Variants in GALNT13 observed in about 807,000 individuals in gnomAD.
GALNT13 encodes polypeptide N-acetylgalactosaminyltransferase 13.
In GALNT13, 28 loss-of-function variants were observed where a neutral mutation model predicts 64.2. The ratio of observed to expected loss-of-function variants is 0.44; its 90% CI spans 0.32 to 0.60. GALNT13 has a LOEUF of 0.60. Among genes scored for constraint, GALNT13 ranks in the 20% least tolerant of loss-of-function variants. The probability of loss-of-function intolerance (pLI) is 0.05; values close to 1 mark genes in which losing one functional copy is unlikely to be tolerated. For missense variants in GALNT13, 577 were observed against 669.8 expected, an observed-to-expected ratio of 0.86 and a Z score of 1.53; for synonymous variants, 214 against 224.6, an observed-to-expected ratio of 0.95 and a Z score of 0.42.
the GALNT13 span, among the ~76,000 whole-genome samples, chr2:153,714,596 T>C: frequency 6.6e-6 from 1 of 152,108 alleles, no homozygotes; most frequent in Non-Finnish European, 1.5e-5. Context: ...CTTAAACAAT[T>C]TGCAATGTTA....
At chr2:153,893,600 T>C (rs1574060198) in intron 1 of GALNT13, among the ~76,000 whole-genome samples, 1 of 95,552 alleles carries the variant, frequency 1.0e-5, no homozygotes, top group Non-Finnish European at 2.9e-5. Flanking sequence ...ATTATGTCAT[T>C]ATTTACAAAA....
At chr2:154,148,064 C>A in intron 4 of GALNT13, among the ~76,000 whole-genome samples, 1 of 151,994 alleles carries the variant, frequency 6.6e-6, no homozygotes, top group East Asian at 1.9e-4. Context: ...GCTATCCCTC[C>A]ACCCTCCACC....
At chr2:153,976,781 C>G (rs1344929953) in intron 3 of GALNT13, among the ~76,000 whole-genome samples, 9 of 152,018 alleles carry the variant, frequency 5.9e-5, no homozygotes, top group Non-Finnish European at 8.8e-5. Flanking sequence ...TTAATTCCCA[C>G]AGCACATTTG....
intron 3 of GALNT13, among the ~76,000 whole-genome samples, chr2:154,022,991 T>A (rs1220081194): frequency 6.6e-6 from 1 of 152,218 alleles, no homozygotes; most frequent in African/African-American, 2.4e-5. Context: ...TCAGATTCTA[T>A]GTAGTTGAGC....
chr2:153,120,349 A>G, the GALNT13 span, among the ~76,000 whole-genome samples: 1 of 152,226 alleles, frequency 6.6e-6, no homozygotes, highest in Admixed American at 6.5e-5. Context: ...AGAATTGACT[A>G]TTATCTACCA....
At chr2:153,407,988 A>C in the GALNT13 span, among the ~76,000 whole-genome samples, 1 of 152,308 alleles carries the variant, frequency 6.6e-6, no homozygotes, top group East Asian at 1.9e-4. Context: ...TACAGTAAAA[A>C]ATAATGAGAA....
intron 8 of GALNT13, among the ~76,000 whole-genome samples, chr2:154,263,745 A>T (rs1178838102): frequency 2.6e-5 from 4 of 152,180 alleles, no homozygotes. Context: ...TACACTCATA[A>T]ATCAGTTGGA....
chr2:153,190,250 TA>T, the GALNT13 span, among the ~76,000 whole-genome samples: 1,577 of 151,980 alleles, frequency 0.01, 23 homozygotes, highest in African/African-American at 0.035. Flanking sequence ...AATTTTTAAG[TA>T]ATTTTCTATA....
chr2:153,402,466 T>C, the GALNT13 span, among the ~76,000 whole-genome samples: 10 of 151,898 alleles, frequency 6.6e-5, no homozygotes, highest in Non-Finnish European at 1.5e-4. Flanking sequence ...TGAATCTGAA[T>C]GTTGGCCTGC....
chr2:154,180,843 G>A (rs556855453), intron 4 of GALNT13, among the ~76,000 whole-genome samples: 3 of 152,136 alleles, frequency 2.0e-5, no homozygotes, highest in Admixed American at 6.6e-5. Context: ...GCATGTTAGT[G>A]ATAAAACAAG....
At chr2:154,341,894 G>A (rs11694977) in intron 9 of GALNT13, among the ~76,000 whole-genome samples, 9,416 of 152,066 alleles carry the variant, frequency 0.062, 314 homozygotes, top group Middle Eastern at 0.12. Flanking sequence ...GATTGTATTC[G>A]AGATATATTT....
At chr2:154,165,441 G>A (rs1684972398) in intron 4 of GALNT13, among the ~76,000 whole-genome samples, 1 of 151,922 alleles carries the variant, frequency 6.6e-6, no homozygotes, top group Non-Finnish European at 1.5e-5. Context: ...ATATGTACAT[G>A]CTTACGCTTA....
chr2:154,318,139 A>G (rs1289765094), intron 9 of GALNT13, among the ~76,000 whole-genome samples: 5 of 151,954 alleles, frequency 3.3e-5, no homozygotes, highest in Non-Finnish European at 7.4e-5. Context: ...TTGGAAATGT[A>G]TTTGCTCTCA....
At chr2:153,399,634 C>T in the GALNT13 span, among the ~76,000 whole-genome samples, 1 of 151,664 alleles carries the variant, frequency 6.6e-6, no homozygotes, top group Admixed American at 6.6e-5. Context: ...TGAAGAGGTC[C>T]TTCACATCCC....
intron 8 of GALNT13, among the ~76,000 whole-genome samples, chr2:154,276,319 A>G (rs143268520): frequency 1.8e-3 from 267 of 151,916 alleles, no homozygotes; most frequent in African/African-American, 6.0e-3. Context: ...TCCTGGGTTC[A>G]AGCAATTCTC....
the GALNT13 span, among the ~76,000 whole-genome samples, chr2:153,451,319 T>C: frequency 6.6e-6 from 1 of 152,160 alleles, no homozygotes; most frequent in Non-Finnish European, 1.5e-5. Context: ...TTCCAACCCA[T>C]ATGTAACATC....
chr2:153,700,965 C>T, the GALNT13 span, among the ~76,000 whole-genome samples: 1 of 152,010 alleles, frequency 6.6e-6, no homozygotes, highest in Non-Finnish European at 1.5e-5. Context: ...CTGCCATTGA[C>T]ATGCTTAACA....
intron 3 of GALNT13, among the ~76,000 whole-genome samples, chr2:154,015,371 A>G (rs192140020): frequency 6.6e-6 from 1 of 152,346 alleles, no homozygotes; most frequent in Non-Finnish European, 1.5e-5. Context: ...AAAGCATGAC[A>G]TCATTGTTGA....
At chr2:153,565,657 A>G in the GALNT13 span, among the ~76,000 whole-genome samples, 1 of 152,186 alleles carries the variant, frequency 6.6e-6, no homozygotes, top group Non-Finnish European at 1.5e-5. Context: ...AAATGATGTT[A>G]TTTGAGGACC....
Sources: allele counts gnomAD v4.1 joint callset (sites outside exome capture counted in the v4.1 genomes callset), GRCh38; gene constraint gnomAD v4.1.1; transcripts MANE v1.5; gene names NCBI Gene and HGNC (gene_info 2026-07-23, HGNC 2026-07-21).